The following LSAMP variants were observed in gnomAD, a reference collection of about 807,000 sequenced individuals.
LSAMP encodes the protein limbic system associated membrane protein.
LSAMP carries 7 observed loss-of-function variants against 38.6 expected under a neutral mutation model. That is an observed-to-expected ratio of 0.18 (90% CI 0.10 to 0.34). The LOEUF (loss-of-function observed/expected upper bound fraction) is 0.34, where lower values mean the gene tolerates loss of function less well. Ranked by LOEUF, LSAMP falls within the 10% of genes least tolerant of loss-of-function variation. The pLI, the probability that LSAMP is intolerant of heterozygous loss-of-function variation, is 1.00. For synonymous variants in LSAMP, 154 were observed against 166.8 expected (o/e 0.92, Z 0.59); for missense variants, 313 against 420.0 (o/e 0.75, Z 2.23).
chr3:116,419,460 A>G (rs926608596), intron 1 of LSAMP, among the ~76,000 whole-genome samples: 3 of 152,110 alleles, frequency 2.0e-5, no homozygotes, highest in African/African-American at 7.2e-5. Context: ...CTGGTTTCAG[A>G]ATTGTTTAAA....
At chr3:116,434,391 C>T (rs531104115) in intron 1 of LSAMP, among the ~76,000 whole-genome samples, 51 of 152,156 alleles carry the variant, frequency 3.4e-4, no homozygotes, top group Non-Finnish European at 5.9e-4. Context: ...GTTTTTAAGA[C>T]ATGTAGTAAA....
At chr3:116,038,229 C>A (rs771411249) in intron 2 of LSAMP, among the ~76,000 whole-genome samples, 1 of 151,998 alleles carries the variant, frequency 6.6e-6, no homozygotes, top group Admixed American at 6.6e-5. Context: ...AACTTATAGG[C>A]CTTTACAAAT....
At chr3:116,372,518 G>A (rs1451780157) in intron 1 of LSAMP, among the ~76,000 whole-genome samples, 3 of 151,818 alleles carry the variant, frequency 2.0e-5, no homozygotes, top group Admixed American at 6.6e-5. Context: ...TCTTGGATAT[G>A]ACACCAAAGG....
At chr3:116,079,575 C>A (rs1274493307) in intron 2 of LSAMP, among the ~76,000 whole-genome samples, 1 of 150,244 alleles carries the variant, frequency 6.7e-6, no homozygotes, top group African/African-American at 2.5e-5. Context: ...ATCACTGGAA[C>A]CCTGGAGAAT....
chr3:116,036,535 A>G (rs913570563), intron 2 of LSAMP, among the ~76,000 whole-genome samples: 9 of 152,126 alleles, frequency 5.9e-5, no homozygotes, highest in South Asian at 4.1e-4. Context: ...GGCATTCGTT[A>G]TCTGTGAGCC....
chr3:115,867,335 C>A (rs1475326806), intron 3 of LSAMP, among the ~76,000 whole-genome samples: 3 of 151,874 alleles, frequency 2.0e-5, no homozygotes, highest in African/African-American at 7.3e-5. Flanking sequence ...GAAGGGTAAA[C>A]CTTATTGTAT....
At chr3:115,912,852 C>T (rs752208257) in intron 3 of LSAMP, among the ~76,000 whole-genome samples, 14 of 152,226 alleles carry the variant, frequency 9.2e-5, no homozygotes, top group Middle Eastern at 3.4e-3. Context: ...CTGGGATATA[C>T]GAGACAAAAA....
chr3:116,241,148 G>T (rs2046527550), intron 1 of LSAMP, among the ~76,000 whole-genome samples: 1 of 150,304 alleles, frequency 6.7e-6, no homozygotes, highest in Non-Finnish European at 1.5e-5. Flanking sequence ...CTGCACTCCA[G>T]CCTGGGTAAC....
intron 1 of LSAMP, among the ~76,000 whole-genome samples, chr3:116,299,086 A>G (rs78256772): frequency 0.059 from 9,026 of 152,246 alleles, 472 homozygotes; most frequent in African/African-American, 0.15. Flanking sequence ...TTTTTAAGCA[A>G]TGAGCTGAAA....
At chr3:115,939,540 C>G (rs1438107636) in intron 3 of LSAMP, among the ~76,000 whole-genome samples, 1 of 79,526 alleles carries the variant, frequency 1.3e-5, no homozygotes, top group African/African-American at 3.7e-5. Flanking sequence ...CTCTTTCTTT[C>G]TTTCTTTCTT....
At chr3:116,095,995 T>C (rs556883157) in intron 1 of LSAMP, among the ~76,000 whole-genome samples, 23 of 152,312 alleles carry the variant, frequency 1.5e-4, no homozygotes, top group African/African-American at 5.5e-4. Context: ...ACTTGCTCTG[T>C]GGTTTTGGGA....
At chr3:115,832,662 T>C (rs1015532092) in intron 6 of LSAMP, among the ~76,000 whole-genome samples, 4 of 152,204 alleles carry the variant, frequency 2.6e-5, no homozygotes, top group Non-Finnish European at 5.9e-5. Context: ...GGACTATCTT[T>C]GTATAGCAAA....
At chr3:116,052,051 G>T (rs1379058957) in intron 2 of LSAMP, among the ~76,000 whole-genome samples, 1 of 152,178 alleles carries the variant, frequency 6.6e-6, no homozygotes, top group African/African-American at 2.4e-5. Context: ...GTATAGTAGG[G>T]AGAAGAGCCA....
chr3:116,165,985 T>A (rs1328078118), intron 1 of LSAMP, among the ~76,000 whole-genome samples: 2 of 152,210 alleles, frequency 1.3e-5, no homozygotes, highest in Non-Finnish European at 2.9e-5. Context: ...TGTATGTGTG[T>A]ATTTCCTTGT....
chr3:115,906,595 C>T (rs1277714497), intron 3 of LSAMP, among the ~76,000 whole-genome samples: 1 of 152,116 alleles, frequency 6.6e-6, no homozygotes, highest in African/African-American at 2.4e-5. Context: ...TCCCATTTCT[C>T]TTTCCTACTG....
intron 1 of LSAMP, among the ~76,000 whole-genome samples, chr3:116,109,925 C>T (rs1017785909): frequency 2.8e-4 from 37 of 130,336 alleles, no homozygotes; most frequent in Non-Finnish European, 2.2e-4. Flanking sequence ...GGATGGGGTG[C>T]GGAAATAAGG....
intron 4 of LSAMP, among the ~76,000 whole-genome samples, chr3:115,849,256 A>G (rs1456798092): frequency 1.3e-5 from 2 of 152,230 alleles, no homozygotes; most frequent in Non-Finnish European, 2.9e-5. Flanking sequence ...TTGCATGTAA[A>G]AGTGGCTATG....
At chr3:116,249,793 C>T (rs2046656052) in intron 1 of LSAMP, among the ~76,000 whole-genome samples, 1 of 152,044 alleles carries the variant, frequency 6.6e-6, no homozygotes, top group African/African-American at 2.4e-5. Flanking sequence ...CATACTTAGC[C>T]ACAGTTATGG....
chr3:116,157,144 C>T (rs975202416), intron 1 of LSAMP, among the ~76,000 whole-genome samples: 7 of 152,022 alleles, frequency 4.6e-5, no homozygotes, highest in African/African-American at 1.4e-4. Context: ...GTGGTTCTAA[C>T]GACTAGGCAA....
Sources: allele counts gnomAD v4.1 joint callset (sites outside exome capture counted in the v4.1 genomes callset), GRCh38; gene constraint gnomAD v4.1.1; transcripts MANE v1.5; gene names NCBI Gene and HGNC (gene_info 2026-07-23, HGNC 2026-07-21).